Variants in MLXIPL observed in about 807,000 individuals in gnomAD.
MLXIPL encodes the protein MLX interacting protein like, also known as carbohydrate-responsive element-binding protein.
MLXIPL carries 49 observed loss-of-function variants against 81.5 expected under a neutral mutation model. That is an observed-to-expected ratio of 0.60 (90% CI 0.48 to 0.76). MLXIPL has a LOEUF of 0.76. Ranked by LOEUF, MLXIPL falls within the 30% of genes least tolerant of loss-of-function variation. MLXIPL has a pLI of 0.00. For synonymous variants in MLXIPL, 466 were observed against 485.5 expected, an observed-to-expected ratio of 0.96 and a Z score of 0.53; for missense variants, 1,053 against 1,167.0, an observed-to-expected ratio of 0.90 and a Z score of 1.42.
At position 73,597,231 on chromosome 7, in the gene MLXIPL, G is replaced by A; in HGVS notation, c.1554C>T (p.Pro518=). The A allele has an allele frequency of 6.2e-7, 1 of 1,603,440 alleles. No individual in the cohort carries two copies. Among genetic ancestry groups the A allele is most frequent in the Non-Finnish European group, 8.5e-7 (1 of 1,177,152 alleles). Residue 518 remains proline (P), a synonymous_variant, in exon 9 of 17, where the codon CCC becomes CCT. Transcript: ENST00000313375. ...AGGGGTTGTTGCTCCCCGCAGTGGT[G>A]GGGGGACTGGCAGTGGCAGGGGCTA... ...PTLAPATASP[P]TTAGSNNPCL... is the part of the protein sequence containing the mutation.
chr7:73,596,796 T>TG lies in MLXIPL; in HGVS notation c.1672-8dup. 1 of 1,606,794 alleles carries TG rather than the reference T, an allele frequency of 6.2e-7. No individual in the cohort carries two copies. On this transcript the variant is annotated splice_region_variant and splice_polypyrimidine_tract_variant and intron_variant, in intron 10 of 16. Coordinates refer to ENST00000313375, the MANE Select transcript of MLXIPL (RefSeq NM_032951.3). This position sits in a 1 kb window ranked among gnomAD's most constrained non-coding sequence, Gnocchi z 4.7. Reference sequence around the variant, plus strand: ...ATTCAGGGACTGTCTCCTGCTGGGGTGGAGAAGGGCGGAGAGTCGGGTTGA... The same window carrying TG: ...ATTCAGGGACTGTCTCCTGCTGGGGTGGGAGAAGGGCGGAGAGTCGGGTTGA...
chr7:73,596,793 G>C lies in MLXIPL; in HGVS notation c.1672-4C>G, dbSNP rs1554594242. 6.2e-7 allele frequency: 1 copy of C among 1,607,258 alleles called. No individual in the cohort carries two copies. Among genetic ancestry groups the C allele is most frequent in the Admixed American group, 1.7e-5 (1 of 58,872 alleles). The stretch of plus-strand genomic sequence containing the variant: ...GGAATTCAGGGACTGTCTCCTGCTG[G>C]GGTGGAGAAGGGCGGAGAGTCGGGT... On this transcript the variant is annotated splice_polypyrimidine_tract_variant and splice_region_variant and intron_variant, in intron 10 of 16. Transcript: ENST00000313375. The surrounding 1 kb of genome is among the most constrained non-coding windows in gnomAD (Gnocchi z 4.7).
chr7:73,613,697 A>T (rs549857230), intron 2 of MLXIPL, among the ~76,000 whole-genome samples: 141 of 152,336 alleles, frequency 9.3e-4, no homozygotes, highest in African/African-American at 3.2e-3. Context: ...CCAAGCCCAC[A>T]CAGTTAGGAC....
chr7:73,631,703 G>A, the MLXIPL span, among the ~76,000 whole-genome samples: 94 of 149,742 alleles, frequency 6.3e-4, 1 homozygote, highest in East Asian at 0.016. Flanking sequence ...CACTGTGCCT[G>A]GTCAAATTTT....
chr7:73,645,631 C>T, the MLXIPL span, among the ~76,000 whole-genome samples: 1 of 152,162 alleles, frequency 6.6e-6, no homozygotes, highest in Non-Finnish European at 1.5e-5. Context: ...ATGCACCACC[C>T]ATGTTGCTTC....
chr7:73,600,424 A>G (rs1554595804), intron 7 of MLXIPL, among the ~76,000 whole-genome samples: 1 of 5,690 alleles, frequency 1.8e-4, no homozygotes, highest in Non-Finnish European at 3.2e-4. Context: ...TGTGGGCAAG[A>G]GGGGCTAAGG....
chr7:73,616,282 G>T, intron 1 of MLXIPL, 105 bp from the exon 2 acceptor site: 1 of 1,057,882 alleles, frequency 9.5e-7, no homozygotes, highest in Non-Finnish European at 1.4e-6. Flanking sequence ...TGGCATTTGA[G>T]GGGCCCCTCC....
In MLXIPL at chr7:73,599,119, G is replaced by A. The variant is rs1794584362; in HGVS notation, c.1071+407C>T. On this transcript the variant is annotated intron_variant, in intron 8 of 16. Coordinates refer to ENST00000313375, the MANE Select transcript of MLXIPL (RefSeq NM_032951.3). ...TATGGGGAATTGATGAACCAAAATG[G>A]TAGATTCACTGTTTCCTAAACATCC... 2.0e-5 allele frequency among the ~76,000 whole-genome samples: 3 copies of A among 151,582 alleles called. No individual in the cohort carries two copies. The South Asian group carries it at 6.2e-4, about 32-fold the overall frequency.
chr7:73,614,971 C>T (rs1385425047), intron 2 of MLXIPL, among the ~76,000 whole-genome samples: 1 of 152,116 alleles, frequency 6.6e-6, no homozygotes, highest in East Asian at 1.9e-4. Context: ...CCACCACGCC[C>T]AGCTAATTTT....
rs782761791 is a variant in MLXIPL at position 73,599,633 on chromosome 7, TG to T, written c.963del (p.Ser322AlafsTer26). The T allele has an allele frequency of 6.2e-7, 1 of 1,609,136 alleles. No individual in the cohort carries two copies. Among genetic ancestry groups the T allele is most frequent in the Non-Finnish European group, 8.5e-7 (1 of 1,177,418 alleles). Reference sequence around the variant, plus strand: ...AGGGAGTCAACCACGGGGCTGAAGCTGGGGGGCTCTGGGAAGTTTGAAGGCA... The same window carrying T: ...AGGGAGTCAACCACGGGGCTGAAGCTGGGGGCTCTGGGAAGTTTGAAGGCA... ...PPMPSNFPEPPSFSPVVDSLF... is the reference protein window; with the variant it reads ...PPMPSNFPEPXSFSPVVDSLF... On this transcript the variant is annotated frameshift_variant, in exon 8 of 17. Transcript: ENST00000313375. LOFTEE classifies it high-confidence loss of function.
rs1309620230 is a variant in MLXIPL, at chr7:73,607,746, A to T, written c.401-74T>A. On this transcript the variant is annotated intron_variant, in intron 2 of 16. Coordinates refer to ENST00000313375, the MANE Select transcript of MLXIPL (RefSeq NM_032951.3). ...CCTCACCCCAGGGGACTGGGACTCA[A>T]GTGACACCCTGCGAAATCCTGCTTG... 9 of 1,331,582 alleles carry T rather than the reference A, an allele frequency of 6.8e-6. No homozygotes were observed. In the African/African-American group the frequency reaches 8.7e-5, roughly 13 times the overall value. 82.5% of individuals were successfully genotyped at this position (1,331,582 alleles called of 1,614,324 possible).
chr7:73,636,118 A>T, the MLXIPL span, among the ~76,000 whole-genome samples: 7,112 of 152,234 alleles, frequency 0.047, 195 homozygotes, highest in Non-Finnish European at 0.063. Context: ...ACCTCAAAAG[A>T]CAAAGTGGAG....
the MLXIPL span, among the ~76,000 whole-genome samples, chr7:73,637,509 T>C: frequency 6.6e-6 from 1 of 151,920 alleles, no homozygotes; most frequent in African/African-American, 2.4e-5. Context: ...AAAGGGGCTT[T>C]TCAGTCAGTT....
the MLXIPL span, among the ~76,000 whole-genome samples, chr7:73,635,529 C>T: frequency 6.6e-6 from 1 of 151,138 alleles, no homozygotes; most frequent in Non-Finnish European, 1.5e-5. Context: ...CCACCCATCT[C>T]TTCTTCCATC....
At position 73,597,678 on chromosome 7, in the gene MLXIPL, G is replaced by A. The variant is rs370237317; in HGVS notation, c.1107C>T (p.Ser369=). 57 of 1,376,396 alleles carry A rather than the reference G, an allele frequency of 4.1e-5. No individual in the cohort carries two copies. The African/African-American group carries it at 7.3e-4, about 18-fold the overall frequency. The allele number at this position is 1,376,396 out of a possible 1,614,324, so 85.3% of individuals were successfully genotyped here. ...RNSCPGPLDS[S]AFLSSDFLLP... is the part of the protein sequence containing the mutation. The stretch of plus-strand genomic sequence containing the variant: ...GGAGGAAATCAGAACTCAGGAAGGC[G>A]CTGGAGTCCAAGGGGCCAGGGCAGC... The change falls in exon 9 of 17, where the codon AGC becomes AGT. Residue 369 remains serine (S), a synonymous_variant. Coordinates refer to ENST00000313375, the MANE Select transcript of MLXIPL (RefSeq NM_032951.3).
In MLXIPL at chr7:73,596,975, C is replaced by A. The variant is rs782496949; in HGVS notation, c.1604-43G>T. 1 of 1,585,848 alleles carries A rather than the reference C, an allele frequency of 6.3e-7. No homozygotes were observed. Among genetic ancestry groups the A allele is most frequent in the Non-Finnish European group, 8.6e-7 (1 of 1,167,668 alleles). On this transcript the variant is annotated intron_variant, in intron 9 of 16. Transcript: ENST00000313375. The surrounding 1 kb of genome is among the most constrained non-coding windows in gnomAD (Gnocchi z 4.7). ...CGTGAGGCTACTGGGGCTGGCCCACCCCCGGCATCTATCAAGACCCCATCC... is the reference window on the plus strand; with the variant it reads ...CGTGAGGCTACTGGGGCTGGCCCACACCCGGCATCTATCAAGACCCCATCC...
the MLXIPL span, among the ~76,000 whole-genome samples, chr7:73,643,424 G>T: frequency 6.6e-6 from 1 of 151,614 alleles, no homozygotes; most frequent in Non-Finnish European, 1.5e-5. Context: ...TGAGGCAGGA[G>T]AATGGCGTGA....
Position 73,624,187 on chromosome 7 carries a change from G to A in MLXIPL, c.293+13C>T. The A allele has an allele frequency of 6.5e-7, 1 of 1,549,800 alleles. No homozygotes were observed. Among genetic ancestry groups the A allele is most frequent in the African/African-American group, 1.4e-5 (1 of 72,126 alleles). ...TGGAAGCCAAGGCCGTCAGGGCCCG[G>A]AACCGCCCTCACCTGTAGGCCAGGC... is the stretch of plus-strand genomic sequence containing the variant. On this transcript the variant is annotated intron_variant, in intron 1 of 16. Coordinates refer to ENST00000313375, the MANE Select transcript of MLXIPL (RefSeq NM_032951.3).
chr7:73,607,077 C>G, intron 4 of MLXIPL, 59 bp from the exon 5 acceptor site: 1 of 1,587,864 alleles, frequency 6.3e-7, no homozygotes, highest in South Asian at 1.1e-5. Flanking sequence ...ATCACTTTCC[C>G]CCCAAAGTCT....
Sources: gnomAD v4.1 joint callset for allele counts (sites outside exome capture counted in the v4.1 genomes callset) on GRCh38, gnomAD v4.1.1 for gene constraint, Gnocchi (gnomAD v3.1) non-coding constraint, MANE v1.5 for transcripts, NCBI Gene and HGNC (gene_info 2026-07-23, HGNC 2026-07-21) for gene names.